MIX23: variants seen among roughly 807,000 people sequenced by gnomAD.
MIX23 encodes mitochondrial matrix import factor 23, also known as protein MIX23.
Under a neutral mutation model 21.6 loss-of-function variants are expected in MIX23, and 13 were observed. The ratio of observed to expected loss-of-function variants is 0.60; its 90% CI spans 0.39 to 0.96. The LOEUF (loss-of-function observed/expected upper bound fraction) is 0.96, where lower values mean the gene tolerates loss of function less well. Ranked by LOEUF, MIX23 falls within the 40% of genes least tolerant of loss-of-function variation. MIX23 has a pLI of 0.00. For synonymous variants in MIX23, 59 were observed against 58.0 expected, an observed-to-expected ratio of 1.02 and a Z score of -0.08; for missense variants, 144 against 171.2, an observed-to-expected ratio of 0.84 and a Z score of 0.89.
intron 3 of MIX23, among the ~76,000 whole-genome samples, chr3:122,367,084 A>C (rs2107678804): frequency 6.6e-6 from 1 of 152,052 alleles, no homozygotes; most frequent in South Asian, 2.1e-4. Context: ...AAAAAACTGT[A>C]TTTATGCATA....
chr3:122,360,638 A>G (rs2075351576), intron 4 of MIX23, among the ~76,000 whole-genome samples: 2 of 152,168 alleles, frequency 1.3e-5, no homozygotes, highest in South Asian at 4.1e-4. Context: ...TCATGTCAAA[A>G]ATTTTAAGTG....
At chr3:122,368,080 C>T in intron 3 of MIX23, 96 bp downstream of exon 3, 1 of 1,075,156 alleles carries the variant, frequency 9.3e-7, no homozygotes, top group East Asian at 2.4e-5. Context: ...AAGTAACTGC[C>T]ATATTATATG....
At chr3:122,381,742 A>T (rs2075534337) in intron 1 of MIX23, among the ~76,000 whole-genome samples, 1 of 151,934 alleles carries the variant, frequency 6.6e-6, no homozygotes, top group Non-Finnish European at 1.5e-5. Context: ...AAAAAAAAAA[A>T]AAAGAAGAGG....
At chr3:122,381,664 G>C (rs2075532745) in intron 1 of MIX23, among the ~76,000 whole-genome samples, 1 of 150,456 alleles carries the variant, frequency 6.6e-6, no homozygotes, top group African/African-American at 2.5e-5. Flanking sequence ...GTTGGAGTGA[G>C]CCAAGATTGT....
chr3:122,375,430 T>C lies in MIX23; in HGVS notation c.52-3630A>G, dbSNP rs369819543. On this transcript the variant is annotated intron_variant, in intron 1 of 4. Transcript: ENST00000291458. Reference sequence around the variant, plus strand: ...ACTGTTCATTGTCTGTATGTGGCAATAGTATGGTGTTAGAAAGTTGTAATC... The same window carrying C: ...ACTGTTCATTGTCTGTATGTGGCAACAGTATGGTGTTAGAAAGTTGTAATC... 3.9e-5 allele frequency among the ~76,000 whole-genome samples: 6 copies of C among 152,320 alleles called. No homozygotes were observed. In the South Asian group the frequency reaches 8.3e-4, roughly 21 times the overall value.
intron 4 of MIX23, among the ~76,000 whole-genome samples, chr3:122,360,583 A>G (rs2332179): frequency 0.2 from 30,279 of 152,052 alleles, 3,640 homozygotes; most frequent in African/African-American, 0.33. Flanking sequence ...GTATATTACT[A>G]TTTTTAAAAT....
chr3:122,383,186 G>A lies in MIX23; in HGVS notation c.39C>T (p.Phe13=), dbSNP rs765026782. ...AAAACCCCATCACCTGGAACTCGGC[G>A]AACTCCTCACAGTTCACACCGCCAC... ...APSGGVNCEE[F]AEFQELLKVM... The change falls in exon 1 of 5, where the codon TTC becomes TTT. Residue 13 remains phenylalanine, a synonymous_variant. Coordinates refer to ENST00000291458, the MANE Select transcript of MIX23 (RefSeq NM_001017928.4). 1.9e-6 allele frequency: 3 copies of A among 1,613,580 alleles called. No homozygotes were observed. The highest frequency in any genetic ancestry group is 1.1e-5 in the South Asian group (1 of 91,046).
At chr3:122,366,554 TAAAC>T (rs901178078) in intron 3 of MIX23, 1 of 152,182 alleles carries the variant, frequency 6.6e-6, no homozygotes, top group African/African-American at 2.4e-5. Flanking sequence ...CTACATCTAC[TAAAC>T]AAAGGGCAAA....
In MIX23 at chr3:122,366,142, C is replaced by T. The variant is rs1014926546; in HGVS notation, c.324+2034G>A. On this transcript the variant is annotated intron_variant, in intron 3 of 4. Transcript: ENST00000291458. ...TCAGTGAGCCAAGATTGCACCACTGCACTCCAGCCCAGGCGATAGTGCGAG... is the reference window on the plus strand; with the variant it reads ...TCAGTGAGCCAAGATTGCACCACTGTACTCCAGCCCAGGCGATAGTGCGAG... 3.9e-5 allele frequency among the ~76,000 whole-genome samples: 6 copies of T among 151,996 alleles called. No homozygotes were observed. The East Asian group carries it at 1.2e-3, about 29-fold the overall frequency.
At chr3:122,377,520 G>A (rs1410751750) in intron 1 of MIX23, among the ~76,000 whole-genome samples, 1 of 152,204 alleles carries the variant, frequency 6.6e-6, no homozygotes, top group Non-Finnish European at 1.5e-5. Context: ...GTTTAACGGA[G>A]GGATTGGTCA....
intron 4 of MIX23, among the ~76,000 whole-genome samples, chr3:122,360,208 T>C (rs1450814061): frequency 6.6e-6 from 1 of 152,198 alleles, no homozygotes; most frequent in Non-Finnish European, 1.5e-5. Context: ...AGCAAACATT[T>C]CAATTTCATA....
In MIX23 at chr3:122,371,684, A is replaced by T. The variant is rs1296435914; in HGVS notation, c.168T>A (p.Leu56=). The T allele has an allele frequency of 6.2e-7, 1 of 1,612,136 alleles. No individual in the cohort carries two copies. Among genetic ancestry groups the T allele is most frequent in the Admixed American group, 1.7e-5 (1 of 60,002 alleles). The change falls in exon 2 of 5, where the codon CTT becomes CTA. Residue 56 remains leucine, a synonymous_variant. Transcript: ENST00000291458. Reference sequence around the variant, plus strand: ...CAAAAAATACACTTACAGACTCATAAAGTTGTTTACAGGTTTGGCTGGCAT... The same window carrying T: ...CAAAAAATACACTTACAGACTCATATAGTTGTTTACAGGTTTGGCTGGCAT... ...KIDASQTCKQ[L]YESLMAAHAS...
intron 3 of MIX23, among the ~76,000 whole-genome samples, chr3:122,363,268 T>TA (rs899180001): frequency 8.0e-5 from 12 of 149,608 alleles, no homozygotes; most frequent in East Asian, 3.9e-4. Flanking sequence ...TTGAGAGCTT[T>TA]AAAAAAAAAA....
chr3:122,378,540 C>T (rs140450689), intron 1 of MIX23, among the ~76,000 whole-genome samples: 1 of 152,212 alleles, frequency 6.6e-6, no homozygotes, highest in Non-Finnish European at 1.5e-5. Flanking sequence ...TACTTACACA[C>T]TTAGGCTATA....
chr3:122,382,989 C>G (rs750534986), intron 1 of MIX23, among the ~76,000 whole-genome samples, 185 bp downstream of exon 1: 1 of 152,240 alleles, frequency 6.6e-6, no homozygotes, highest in African/African-American at 2.4e-5. Context: ...CTCCTCCCTC[C>G]TCCTACAGAG....
chr3:122,369,932 T>C (rs939555662), intron 2 of MIX23, among the ~76,000 whole-genome samples: 7 of 152,120 alleles, frequency 4.6e-5, no homozygotes, highest in Non-Finnish European at 8.8e-5. Context: ...GTATTTTTTG[T>C]GGAGATGTGG....
At chr3:122,377,975 G>A (rs1408849749) in intron 1 of MIX23, among the ~76,000 whole-genome samples, 1 of 152,210 alleles carries the variant, frequency 6.6e-6, no homozygotes, top group Non-Finnish European at 1.5e-5. Flanking sequence ...TGTGGCTTAA[G>A]TACACAGAGA....
chr3:122,367,794 G>C (rs1012552213), intron 3 of MIX23: 5 of 199,216 alleles, frequency 2.5e-5, no homozygotes, highest in Non-Finnish European at 5.1e-5. Flanking sequence ...AAATATATTA[G>C]AGATGTTTTT....
rs879005909 is a variant in MIX23, at chr3:122,359,628, AT to A, written c.*240del. ...GAAAATTATTTTAATAGTTACAAAAATTTTTTTTTTTTTTTTTTACAGAATC... is the reference window on the plus strand; with the variant it reads ...GAAAATTATTTTAATAGTTACAAAAATTTTTTTTTTTTTTTTTACAGAATC... On this transcript the variant is annotated 3_prime_UTR_variant, in exon 5 of 5. Coordinates refer to ENST00000291458, the MANE Select transcript of MIX23 (RefSeq NM_001017928.4). The A allele has an allele frequency of 0.042, 10,053 of 238,210 alleles. No individual in the cohort carries two copies. Among genetic ancestry groups the A allele is most frequent in the Middle Eastern group, 0.065 (52 of 804 alleles). 14.8% of individuals were successfully genotyped at this position (238,210 alleles called of 1,614,324 possible).
Sources: gnomAD v4.1 joint callset for allele counts (sites outside exome capture counted in the v4.1 genomes callset) on GRCh38, gnomAD v4.1.1 for gene constraint, MANE v1.5 for transcripts, NCBI Gene and HGNC (gene_info 2026-07-23, HGNC 2026-07-21) for gene names.